The following DLG5 variants were observed in gnomAD, a reference collection of about 807,000 sequenced individuals.
DLG5 encodes the protein discs large MAGUK scaffold protein 5.
DLG5 carries 48 observed loss-of-function variants against 189.8 expected under a neutral mutation model. That is an observed-to-expected ratio of 0.25 (90% CI 0.20 to 0.32). The LOEUF (loss-of-function observed/expected upper bound fraction) is 0.32, where lower values mean the gene tolerates loss of function less well. Ranked by LOEUF, DLG5 falls within the 10% of genes least tolerant of loss-of-function variation. The pLI is 1.00. For missense variants in DLG5, 2,160 were observed against 2,544.7 expected, an observed-to-expected ratio of 0.85 and a Z score of 3.25; for synonymous variants, 1,016 against 1,054.1, an observed-to-expected ratio of 0.96 and a Z score of 0.70.
At chr10:77,875,810 G>A (rs1185331239) in intron 1 of DLG5, among the ~76,000 whole-genome samples, 3 of 151,608 alleles carry the variant, frequency 2.0e-5, no homozygotes, top group African/African-American at 4.9e-5. Context: ...AAGAAAGGTG[G>A]CAGGGAAAAA....
At chr10:77,835,677 C>T (rs1460152323) in intron 8 of DLG5, 61 bp downstream of exon 8, 1 of 1,523,770 alleles carries the variant, frequency 6.6e-7, no homozygotes, top group African/African-American at 1.4e-5. Context: ...CCAACAGACC[C>T]TAGCAGGTCC....
At chr10:77,850,071 CCACA>C (rs1048903928) in intron 5 of DLG5, among the ~76,000 whole-genome samples, 4 of 152,058 alleles carry the variant, frequency 2.6e-5, no homozygotes, top group African/African-American at 9.7e-5. Flanking sequence ...AATTTACATA[CCACA>C]CAAAGTATGC....
chr10:77,916,539 G>A (rs1199903540), intron 1 of DLG5, among the ~76,000 whole-genome samples: 1 of 151,586 alleles, frequency 6.6e-6, no homozygotes, highest in Non-Finnish European at 1.5e-5. Context: ...TGATCCACCC[G>A]CCTCAGCCTC....
intron 1 of DLG5, among the ~76,000 whole-genome samples, chr10:77,893,404 A>T (rs770880634): frequency 1.3e-5 from 2 of 152,216 alleles, no homozygotes; most frequent in Non-Finnish European, 2.9e-5. Context: ...CCTGTTAGGT[A>T]ATGAGAACAG....
chr10:77,806,718 A>AGGGCCCCCCCCCCCCCC, intron 26 of DLG5, 40 bp downstream of exon 26: 3 of 1,333,652 alleles, frequency 2.2e-6, no homozygotes, highest in Non-Finnish European at 3.2e-6. Flanking sequence ...GCCCTCGGCG[A>AGGGCCCCCCCCCCCCCC]CCCCTGCCCC....
At position 77,811,141 on chromosome 10, in the gene DLG5, C is replaced by A; in HGVS notation, c.4416G>T (p.Glu1472Asp). 2 of 1,612,994 alleles carry A rather than the reference C, an allele frequency of 1.2e-6. No homozygotes were observed. Among genetic ancestry groups the A allele is most frequent in the South Asian group, 1.1e-5 (1 of 91,006 alleles). The change falls in exon 23 of 32, where the codon GAG (glutamate) becomes GAT (aspartate). Residue 1472 changes from glutamate to aspartate, a missense_variant. Glu to Asp is a conservative substitution (Grantham distance 45). This residue lies in a region of DLG5 where 574 missense variants were observed against 644.2 expected (regional missense o/e 0.89). Transcript: ENST00000372391. ...EHPSVIDPLM[E>D]QDEGPSTPPA... ...GGGGGGTGCTAGGCCCCTCGTCCTG[C>A]TCCATCAGTGGGTCGATGACAGATG...
intron 27 of DLG5, among the ~76,000 whole-genome samples, chr10:77,801,732 G>A (rs965132350): frequency 3.3e-5 from 5 of 152,238 alleles, no homozygotes; most frequent in African/African-American, 9.6e-5. Context: ...TGGTGGCACT[G>A]CCTTCAGCAC....
rs546189150 is a variant in DLG5 at position 77,828,531 on chromosome 10, G to A, written c.2289+351C>T. Among the ~76,000 whole-genome samples, 6 of 147,696 alleles carry A rather than the reference G, an allele frequency of 4.1e-5. No individual in the cohort carries two copies. In the South Asian group the frequency reaches 1.3e-3, roughly 32 times the overall value. ...AAAAAGTTAATAGAGGTTATCTACA[G>A]GTGGTACCAAAGCAAGTGGTTCTTA... On this transcript the variant is annotated intron_variant, in intron 13 of 31. Coordinates refer to ENST00000372391, the MANE Select transcript of DLG5 (RefSeq NM_004747.4).
At chr10:77,931,406 C>T (rs1041162787), upstream of DLG5, among the ~76,000 whole-genome samples, 7 of 146,068 alleles carry the variant, frequency 4.8e-5, no homozygotes, top group Non-Finnish European at 1.1e-4. Context: ...CATCATCACA[C>T]CTAGGTATTT....
At chr10:77,838,910 T>TGATG in intron 7 of DLG5, among the ~76,000 whole-genome samples, 1 of 152,300 alleles carries the variant, frequency 6.6e-6, no homozygotes, top group South Asian at 2.1e-4. Context: ...CTCTCAGAGC[T>TGATG]GATGGGGCAG....
At chr10:77,807,049 T>C in intron 25 of DLG5, 121 bp from the exon 26 acceptor site, 1 of 1,128,960 alleles carries the variant, frequency 8.9e-7, no homozygotes. Flanking sequence ...CCAAACTTGA[T>C]CAGGAATCGC....
chr10:77,823,530 CTTTT>C (rs55870292), intron 14 of DLG5, among the ~76,000 whole-genome samples: 28 of 135,232 alleles, frequency 2.1e-4, no homozygotes, highest in South Asian at 9.4e-4. Flanking sequence ...ACTTCCCTTC[CTTTT>C]TTTTTTTTTT....
At chr10:77,833,142 G>C (rs758644007) in intron 9 of DLG5, among the ~76,000 whole-genome samples, 1 of 152,078 alleles carries the variant, frequency 6.6e-6, no homozygotes, top group Admixed American at 6.5e-5. Flanking sequence ...TTTAGACCAC[G>C]GCCTATTGGG....
At chr10:77,916,466 T>C (rs1846359482) in intron 1 of DLG5, among the ~76,000 whole-genome samples, 1 of 151,946 alleles carries the variant, frequency 6.6e-6, no homozygotes, top group East Asian at 1.9e-4. Context: ...TAAATTTTTG[T>C]ATTTTTAGTA....
At chr10:77,896,260 C>A (rs1845756203) in intron 1 of DLG5, among the ~76,000 whole-genome samples, 1 of 152,146 alleles carries the variant, frequency 6.6e-6, no homozygotes, top group Non-Finnish European at 1.5e-5. Flanking sequence ...GTTAGCATAA[C>A]AACCAGTTGC....
At chr10:77,835,576 G>A (rs1843086780) in intron 8 of DLG5, among the ~76,000 whole-genome samples, 162 bp downstream of exon 8, 1 of 152,166 alleles carries the variant, frequency 6.6e-6, no homozygotes, top group Admixed American at 6.5e-5. Flanking sequence ...AAAACTAAGA[G>A]GCAAGGCTAG....
chr10:77,796,335 A>G lies in DLG5; in HGVS notation c.5308+116T>C. 1.8e-5 allele frequency: 28 copies of G among 1,585,014 alleles called. No homozygotes were observed. The highest frequency in any genetic ancestry group is 2.3e-5 in the Non-Finnish European group (27 of 1,161,616). The stretch of plus-strand genomic sequence containing the variant: ...ACCCATGTCAGCAGGCTTCTGGAAC[A>G]CTGTGAAATCTGCCCCCCGGTACTG... On this transcript the variant is annotated intron_variant, in intron 28 of 31. Transcript: ENST00000372391. This position sits in a 1 kb window ranked among gnomAD's most constrained non-coding sequence, Gnocchi z 5.2.
chr10:77,895,015 A>C (rs1330749463), intron 1 of DLG5, among the ~76,000 whole-genome samples: 1 of 152,160 alleles, frequency 6.6e-6, no homozygotes, highest in African/African-American at 2.4e-5. Flanking sequence ...ACTTCGATAC[A>C]ACCTTATGAG....
At chr10:77,816,474 T>C in intron 20 of DLG5, 77 bp downstream of exon 20, 2 of 1,601,814 alleles carry the variant, frequency 1.2e-6, no homozygotes, top group Non-Finnish European at 1.7e-6. Context: ...GCCCCTTCCC[T>C]GCAGAGCCCA....
Sources: gnomAD v4.1 joint callset for allele counts (sites outside exome capture counted in the v4.1 genomes callset) on GRCh38, gnomAD v4.1.1 for gene constraint, gnomAD v4.1.1 regional missense constraint, Gnocchi (gnomAD v3.1) non-coding constraint, MANE v1.5 for transcripts, NCBI Gene and HGNC (gene_info 2026-07-23, HGNC 2026-07-21) for gene names.